PTPRD: variants seen among roughly 807,000 people sequenced by gnomAD.
The protein encoded by PTPRD is protein tyrosine phosphatase receptor type D.
In PTPRD, 34 loss-of-function variants were observed where a neutral mutation model predicts 214.5. The observed-to-expected ratio is 0.16, with a 90% confidence interval of 0.12 to 0.21. The LOEUF is 0.21. Among genes scored for constraint, PTPRD ranks in the 10% least tolerant of loss-of-function variants. The pLI is 1.00. For synonymous variants in PTPRD, 1,128 were observed against 845.7 expected (o/e 1.33, Z -5.79); for missense variants, 2,545 against 2,398.7 (o/e 1.06, Z -1.27).
At position 8,419,138 on chromosome 9, in the gene PTPRD, T is replaced by G. The variant is rs568727423; in HGVS notation, c.4087-14478A>C. On this transcript the variant is annotated intron_variant, in intron 35 of 45. Transcript: ENST00000381196. ...TGGGAGCCTGAGGCAGGAGAATAGT[T>G]TGAGCCCAGGAGTTCAATGTCGCAG... is the stretch of plus-strand genomic sequence containing the variant. Among the ~76,000 whole-genome samples the G allele has an allele frequency of 1.1e-4, 16 of 151,630 alleles. No homozygotes were observed. The South Asian group carries it at 3.1e-3, about 30-fold the overall frequency.
At chr9:8,376,508 CA>C in intron 38 of PTPRD, 98 bp downstream of exon 38, 1 of 1,542,734 alleles carries the variant, frequency 6.5e-7, no homozygotes, top group Non-Finnish European at 8.9e-7. Flanking sequence ...CCATTGAGAT[CA>C]AGATTTAAGT....
At chr9:10,111,658 T>C (rs193020449) in intron 3 of PTPRD, among the ~76,000 whole-genome samples, 18 of 152,336 alleles carry the variant, frequency 1.2e-4, no homozygotes, top group Middle Eastern at 3.4e-3. Flanking sequence ...ATTTTGACAA[T>C]TGAATGAGTA....
At chr9:10,387,533 G>C (rs534422451) in intron 2 of PTPRD, among the ~76,000 whole-genome samples, 1 of 151,702 alleles carries the variant, frequency 6.6e-6, no homozygotes, top group African/African-American at 2.4e-5. Context: ...ACCTGGCCTC[G>C]CCTTTCCTCC....
chr9:9,502,057 C>T (rs955546651), intron 8 of PTPRD, among the ~76,000 whole-genome samples: 2 of 151,820 alleles, frequency 1.3e-5, no homozygotes, highest in African/African-American at 2.4e-5. Flanking sequence ...CTACCACAAT[C>T]GATGTCATAA....
chr9:8,471,235 C>A (rs2096646816), intron 30 of PTPRD, 150 bp from the exon 31 acceptor site: 1 of 654,108 alleles, frequency 1.5e-6, no homozygotes, highest in Admixed American at 2.4e-5. Context: ...CAAATATCCA[C>A]CTGTTTGTTC....
intron 5 of PTPRD, among the ~76,000 whole-genome samples, chr9:9,927,844 G>T (rs1476606380): frequency 2.0e-5 from 3 of 151,870 alleles, no homozygotes; most frequent in African/African-American, 4.8e-5. Context: ...CATGTCATTT[G>T]CATTTTCTTG....
rs538222936 is a variant in PTPRD at position 10,289,598 on chromosome 9, T to C, written c.-545+51365A>G. ...TTGTGCTAATATTCCAACTGGTCTTTAATTAGGAAAAAGAAGAGAAAAAGA... is the reference window on the plus strand; with the variant it reads ...TTGTGCTAATATTCCAACTGGTCTTCAATTAGGAAAAAGAAGAGAAAAAGA... On this transcript the variant is annotated intron_variant, in intron 3 of 45. Transcript: ENST00000381196. Among the ~76,000 whole-genome samples, 69 of 152,228 alleles carry C rather than the reference T, an allele frequency of 4.5e-4. 1 individual carries two copies. In the South Asian group the frequency reaches 0.013, roughly 30 times the overall value.
At chr9:10,359,969 T>C (rs2097346916) in intron 2 of PTPRD, among the ~76,000 whole-genome samples, 1 of 152,238 alleles carries the variant, frequency 6.6e-6, no homozygotes, top group East Asian at 1.9e-4. Flanking sequence ...TTGAATCTTT[T>C]ATACAAATTT....
At chr9:8,946,286 T>A (rs1237570144) in intron 11 of PTPRD, among the ~76,000 whole-genome samples, 1 of 152,094 alleles carries the variant, frequency 6.6e-6, no homozygotes, top group Non-Finnish European at 1.5e-5. Flanking sequence ...CATCATGGCT[T>A]GAGATAAAAT....
intron 3 of PTPRD, among the ~76,000 whole-genome samples, chr9:10,152,523 C>G (rs2099067522): frequency 6.6e-6 from 1 of 151,940 alleles, no homozygotes; most frequent in Non-Finnish European, 1.5e-5. Context: ...TATTATTGAG[C>G]CTTAAAGAAG....
At chr9:9,775,278 T>C (rs941710618) in intron 5 of PTPRD, among the ~76,000 whole-genome samples, 1 of 152,198 alleles carries the variant, frequency 6.6e-6, no homozygotes, top group African/African-American at 2.4e-5. Flanking sequence ...TCACCATTAA[T>C]ACTTGAGTTA....
intron 7 of PTPRD, among the ~76,000 whole-genome samples, chr9:9,664,830 A>G (rs1365761749): frequency 6.6e-6 from 1 of 151,676 alleles, no homozygotes; most frequent in Non-Finnish European, 1.5e-5. Flanking sequence ...TATCCCAGAA[A>G]GCTTTTCTGG....
chr9:9,356,778 T>A (rs2053957736), intron 9 of PTPRD, among the ~76,000 whole-genome samples: 1 of 151,386 alleles, frequency 6.6e-6, no homozygotes, highest in South Asian at 2.1e-4. Flanking sequence ...TGATTTTCAT[T>A]ATGAAAAAGA....
At chr9:9,146,444 C>A (rs2099868756) in intron 10 of PTPRD, among the ~76,000 whole-genome samples, 1 of 151,976 alleles carries the variant, frequency 6.6e-6, no homozygotes, top group African/African-American at 2.4e-5. Flanking sequence ...AGGAGTCTGC[C>A]TTTTAATAAA....
At chr9:8,488,979 T>C (rs1005167360) in intron 27 of PTPRD, among the ~76,000 whole-genome samples, 9 of 152,190 alleles carry the variant, frequency 5.9e-5, no homozygotes, top group African/African-American at 2.2e-4. Context: ...TGCATAATAA[T>C]ATATACACCG....
intron 44 of PTPRD, among the ~76,000 whole-genome samples, chr9:8,330,228 G>GAGATGA (rs1295723886): frequency 2.0e-5 from 3 of 152,142 alleles, no homozygotes. Flanking sequence ...CAGTCCCAAT[G>GAGATGA]AGATGAAATG....
At chr9:9,265,634 T>C (rs923510719) in intron 9 of PTPRD, among the ~76,000 whole-genome samples, 2 of 151,540 alleles carry the variant, frequency 1.3e-5, no homozygotes, top group African/African-American at 4.8e-5. Flanking sequence ...GTAAAGTTGT[T>C]ATCAACTTGA....
intron 3 of PTPRD, among the ~76,000 whole-genome samples, chr9:10,097,412 C>A (rs1041356235): frequency 6.7e-6 from 1 of 148,924 alleles, no homozygotes; most frequent in African/African-American, 2.5e-5. Flanking sequence ...CTTTTATTTC[C>A]TTGAGCAGTG....
intron 12 of PTPRD, among the ~76,000 whole-genome samples, chr9:8,646,061 G>GAAA (rs777090202): frequency 1.9e-4 from 23 of 118,988 alleles, no homozygotes; most frequent in African/African-American, 5.6e-4. Context: ...AGTCCTAAAA[G>GAAA]AAAAAAAAAA....
Sources: allele counts gnomAD v4.1 joint callset (sites outside exome capture counted in the v4.1 genomes callset), GRCh38; gene constraint gnomAD v4.1.1; transcripts MANE v1.5; gene names NCBI Gene and HGNC (gene_info 2026-07-23, HGNC 2026-07-21).